Variants in UGT1A5 observed in about 807,000 individuals in gnomAD.
UGT1A5 encodes the protein UDP glucuronosyltransferase family 1 member A5, also known as UDP-glucuronosyltransferase 1A5.
Under a neutral mutation model 40.3 loss-of-function variants are expected in UGT1A5, and 29 were observed. That is an observed-to-expected ratio of 0.72 (90% CI 0.54 to 0.98). The LOEUF (loss-of-function observed/expected upper bound fraction) is 0.98. UGT1A5 is among the 50% of genes least tolerant of loss of function. UGT1A5 has a pLI of 0.00. For synonymous variants in UGT1A5, 257 were observed against 262.5 expected, an observed-to-expected ratio of 0.98 and a Z score of 0.20; for missense variants, 678 against 677.9, an observed-to-expected ratio of 1.00 and a Z score of 0.00.
chr2:233,718,727 A>C (rs1248220003), intron 1 of UGT1A5: 2 of 1,610,746 alleles, frequency 1.2e-6, no homozygotes, highest in East Asian at 2.2e-5. Context: ...CTGATTTGCT[A>C]GGTGGCTCAA....
rs1429453691 is a variant in UGT1A5, at chr2:233,751,746, G to C, written c.868-15288G>C. ...AACTCTTCCTCTCTGTTTCTCTCTT[G>C]CTTGCTGCCATGTGAGACATGACTT... On this transcript the variant is annotated intron_variant, in intron 1 of 4. Transcript: ENST00000373414. Among the ~76,000 whole-genome samples, 3 of 152,060 alleles carry C rather than the reference G, an allele frequency of 2.0e-5. No homozygotes were observed. The East Asian group carries it at 5.8e-4, about 29-fold the overall frequency.
At chr2:233,757,301 G>T (rs1209658771) in intron 1 of UGT1A5, among the ~76,000 whole-genome samples, 1 of 149,508 alleles carries the variant, frequency 6.7e-6, no homozygotes, top group Non-Finnish European at 1.5e-5. Context: ...TGGGGGTTGG[G>T]GGACAGGGGG....
Position 233,727,746 on chromosome 2 carries a change from G to C in UGT1A5, c.867+13888G>C, listed in dbSNP as rs369193942. Among the ~76,000 whole-genome samples the C allele has an allele frequency of 3.3e-5, 5 of 152,290 alleles. No individual in the cohort carries two copies. The East Asian group carries it at 7.7e-4, about 24-fold the overall frequency. On this transcript the variant is annotated intron_variant, in intron 1 of 4. Coordinates refer to ENST00000373414, the MANE Select transcript of UGT1A5 (RefSeq NM_019078.2). Reference sequence around the variant, plus strand: ...CTTCCTTTTCTGTGCCATCCTGCGTGTGCTGCCCTTGAGCTGGGTGTCCCC... The same window carrying C: ...CTTCCTTTTCTGTGCCATCCTGCGTCTGCTGCCCTTGAGCTGGGTGTCCCC...
chr2:233,741,211 A>G (rs764528916), intron 1 of UGT1A5, among the ~76,000 whole-genome samples: 2 of 151,912 alleles, frequency 1.3e-5, no homozygotes, highest in African/African-American at 2.4e-5. Flanking sequence ...AACTAGCCAG[A>G]GTTGTTACAG....
At chr2:233,768,773 A>T (rs1302611596) in intron 4 of UGT1A5, among the ~76,000 whole-genome samples, 2 of 151,734 alleles carry the variant, frequency 1.3e-5, no homozygotes, top group Non-Finnish European at 2.9e-5. Context: ...TAGTAGAGAA[A>T]GGGTTTCACC....
intron 1 of UGT1A5, among the ~76,000 whole-genome samples, chr2:233,730,416 T>C (rs934632657): frequency 4.6e-5 from 7 of 152,204 alleles, no homozygotes; most frequent in African/African-American, 1.7e-4. Flanking sequence ...GTTGACATGA[T>C]AATTTTTAGT....
chr2:233,772,512 G>A lies in UGT1A5; in HGVS notation c.1558G>A (p.Gly520Arg), dbSNP rs1553624227. The change falls in exon 5 of 5, where the codon GGG becomes AGG. Residue 520 changes from glycine (G) to arginine (R), a missense_variant. By Grantham distance (125) the Gly-to-Arg change is moderately radical. Coordinates refer to ENST00000373414, the MANE Select transcript of UGT1A5 (RefSeq NM_019078.2). ...CCAYGYRKCL[G>R]KKGRVKKAHK... ...TGCTTATGGCTACCGGAAATGCTTG[G>A]GGAAAAAAGGGCGAGTTAAGAAAGC... 6.2e-7 allele frequency: 1 copy of A among 1,614,116 alleles called. No individual in the cohort carries two copies. The highest frequency in any genetic ancestry group is 8.5e-7 in the Non-Finnish European group (1 of 1,180,014).
In UGT1A5 at chr2:233,761,530, G is replaced by A. The variant is rs544153828; in HGVS notation, c.868-5504G>A. Among the ~76,000 whole-genome samples, 10 of 152,346 alleles carry A rather than the reference G, an allele frequency of 6.6e-5. No homozygotes were observed. In the East Asian group the frequency reaches 9.7e-4, roughly 15 times the overall value. ...CAGGCAGGCAATGTTCAGGACTGAT[G>A]AAATCATTCTTTGATGATGATAGAT... On this transcript the variant is annotated intron_variant, in intron 1 of 4. Coordinates refer to ENST00000373414, the MANE Select transcript of UGT1A5 (RefSeq NM_019078.2).
chr2:233,766,518 A>G (rs542510910), intron 1 of UGT1A5, among the ~76,000 whole-genome samples: 1 of 152,214 alleles, frequency 6.6e-6, no homozygotes, highest in East Asian at 1.9e-4. Context: ...GGGAAATGAA[A>G]CATTTAGGCA....
At chr2:233,732,150 T>C (rs1356402869) in intron 1 of UGT1A5, among the ~76,000 whole-genome samples, 1 of 152,152 alleles carries the variant, frequency 6.6e-6, no homozygotes. Flanking sequence ...GTTTTTTTTC[T>C]TGTAAATTTG....
At chr2:233,757,102 G>A (rs1696403036) in intron 1 of UGT1A5, among the ~76,000 whole-genome samples, 2 of 151,258 alleles carry the variant, frequency 1.3e-5, no homozygotes, top group South Asian at 4.2e-4. Context: ...GAGGGAGGGG[G>A]CAAGCAGAAG....
intron 1 of UGT1A5, chr2:233,718,890 C>T (rs6755571): frequency 2.5e-6 from 4 of 1,613,968 alleles, no homozygotes; most frequent in East Asian, 2.2e-5. Flanking sequence ...CAGTGTCCAG[C>T]CCTGGGCTGA....
At chr2:233,738,017 G>A (rs1338863372) in intron 1 of UGT1A5, among the ~76,000 whole-genome samples, 1 of 152,028 alleles carries the variant, frequency 6.6e-6, no homozygotes, top group Non-Finnish European at 1.5e-5. Flanking sequence ...ATCTTGAATT[G>A]TAATCCCCAT....
intron 1 of UGT1A5, chr2:233,760,308 C>A (rs780253764): frequency 4.3e-6 from 7 of 1,613,678 alleles, no homozygotes; most frequent in South Asian, 1.1e-5. Context: ...AGTCCCAGGG[C>A]GGACGCCCAC....
chr2:233,747,536 G>T (rs1693706230), intron 1 of UGT1A5: 1 of 1,605,072 alleles, frequency 6.2e-7, no homozygotes, highest in Non-Finnish European at 8.5e-7. Flanking sequence ...ATTTTCTGAA[G>T]ACATTTTCTA....
At chr2:233,718,732 G>T (rs2076679181) in intron 1 of UGT1A5, 8 of 1,611,122 alleles carry the variant, frequency 5.0e-6, no homozygotes, top group Non-Finnish European at 5.9e-6. Flanking sequence ...TTGCTAGGTG[G>T]CTCAATGACA....
Position 233,759,652 on chromosome 2 carries a change from C to T in UGT1A5, c.868-7382C>T, listed in dbSNP as rs35665780. Among the ~76,000 whole-genome samples the T allele has an allele frequency of 2.9e-3, 358 of 121,974 alleles. 3 individuals are homozygous for T. Among genetic ancestry groups the T allele is most frequent in the Middle Eastern group, 0.024 (3 of 124 alleles). The allele number at this position is 121,974 out of a possible 152,430, so 80.0% of individuals were successfully genotyped here. A position where few individuals can be genotyped will look rare whatever the true frequency, so the allele number is the denominator to read the frequency against. On this transcript the variant is annotated intron_variant, in intron 1 of 4. Coordinates refer to ENST00000373414, the MANE Select transcript of UGT1A5 (RefSeq NM_019078.2). The stretch of plus-strand genomic sequence containing the variant: ...TCCTTCTTAGCATGCTTCACGATTT[C>T]TAAGTTCCTGCTCATGTGTTTAAAT...
intron 1 of UGT1A5, among the ~76,000 whole-genome samples, chr2:233,736,536 T>C (rs1265861368): frequency 6.6e-6 from 1 of 152,240 alleles, no homozygotes; most frequent in African/African-American, 2.4e-5. Flanking sequence ...TCATTCTCTT[T>C]CCAGCTTTGC....
intron 1 of UGT1A5, among the ~76,000 whole-genome samples, chr2:233,727,881 A>G (rs2077662339): frequency 6.6e-6 from 1 of 152,168 alleles, no homozygotes; most frequent in Non-Finnish European, 1.5e-5. Context: ...CTCACCAGCA[A>G]TGGCAGACAC....
Sources: allele counts gnomAD v4.1 joint callset (sites outside exome capture counted in the v4.1 genomes callset), GRCh38; gene constraint gnomAD v4.1.1; transcripts MANE v1.5; gene names NCBI Gene and HGNC (gene_info 2026-07-23, HGNC 2026-07-21).